MTREX: variants seen among roughly 807,000 people sequenced by gnomAD.
The protein encoded by MTREX is exosome RNA helicase MTR4.
MTREX carries 76 observed loss-of-function variants against 135.4 expected under a neutral mutation model. The ratio of observed to expected loss-of-function variants is 0.56; its 90% CI spans 0.47 to 0.68. The LOEUF is 0.68. Ranked by LOEUF, MTREX falls within the 30% of genes least tolerant of loss-of-function variation. The pLI, the probability that MTREX is intolerant of heterozygous loss-of-function variation, is 0.00. For missense variants in MTREX, 920 were observed against 1,262.1 expected (o/e 0.73, Z 4.11); for synonymous variants, 404 against 401.6 (o/e 1.01, Z -0.07).
At chr5:55,394,016 A>G (rs1750607661) in intron 19 of MTREX, among the ~76,000 whole-genome samples, 1 of 152,098 alleles carries the variant, frequency 6.6e-6, no homozygotes, top group Admixed American at 6.6e-5. Flanking sequence ...CATTTCTTGG[A>G]TGGAGTTTAT....
intron 5 of MTREX, among the ~76,000 whole-genome samples, chr5:55,330,019 A>G (rs140557989): frequency 1.3e-5 from 2 of 151,898 alleles, no homozygotes; most frequent in Admixed American, 6.6e-5. Flanking sequence ...CTTTAAATTT[A>G]TTAATCTTTG....
chr5:55,382,403 G>T (rs570375100), intron 18 of MTREX, among the ~76,000 whole-genome samples: 2 of 151,890 alleles, frequency 1.3e-5, no homozygotes, highest in Non-Finnish European at 2.9e-5. Context: ...TTCCATATAC[G>T]TATTATTAGA....
intron 19 of MTREX, among the ~76,000 whole-genome samples, chr5:55,395,359 T>TCATGC (rs1263291015): frequency 2.0e-5 from 3 of 152,096 alleles, no homozygotes; most frequent in Non-Finnish European, 4.4e-5. Context: ...TGAGCCGAGA[T>TCATGC]CATGCCATTG....
chr5:55,407,044 T>A (rs1046214793), intron 22 of MTREX, among the ~76,000 whole-genome samples: 32 of 152,362 alleles, frequency 2.1e-4, no homozygotes, highest in African/African-American at 7.5e-4. Context: ...GTGATGATCA[T>A]AATTCTCAGT....
chr5:55,349,882 AT>A (rs1481650880), intron 12 of MTREX, among the ~76,000 whole-genome samples: 1 of 152,190 alleles, frequency 6.6e-6, no homozygotes, highest in African/African-American at 2.4e-5. Flanking sequence ...TGGTGTGAAA[AT>A]TACTGCTAGT....
At chr5:55,392,541 TAAAA>T (rs34486683) in intron 19 of MTREX, among the ~76,000 whole-genome samples, 18 of 114,524 alleles carry the variant, frequency 1.6e-4, no homozygotes, top group African/African-American at 2.4e-4. Flanking sequence ...GGGCTCTGTC[TAAAA>T]AAAAAAAAAA....
In MTREX at chr5:55,347,154, C is replaced by G. The variant is rs1422352081; in HGVS notation, c.1240+10C>G. ...TTAGATTTCAACACAGGTACTACAT[C>G]ATTTCAGTATCATTTTAATGTTATG... On this transcript the variant is annotated intron_variant, in intron 11 of 26. Coordinates refer to ENST00000230640, the MANE Select transcript of MTREX (RefSeq NM_015360.5). The G allele has an allele frequency of 6.3e-7, 1 of 1,586,372 alleles. No individual in the cohort carries two copies. The highest frequency in any genetic ancestry group is 8.6e-7 in the Non-Finnish European group (1 of 1,168,282).
rs934387664 is a variant in MTREX at position 55,390,254 on chromosome 5, C to T, written c.2181+2152C>T. 3.9e-4 allele frequency among the ~76,000 whole-genome samples: 59 copies of T among 152,216 alleles called. 1 individual carries two copies. The highest frequency in any genetic ancestry group is 3.5e-3 in the Admixed American group (54 of 15,292). ...AGTAGCTGGGACTACAGGTGTTCGC[C>T]GCCGTGCCCGGCTAATTTTTGTATT... On this transcript the variant is annotated intron_variant, in intron 19 of 26. Transcript: ENST00000230640.
chr5:55,397,222 T>C (rs922874935), intron 19 of MTREX, among the ~76,000 whole-genome samples, 194 bp from the exon 20 acceptor site: 20 of 152,204 alleles, frequency 1.3e-4, no homozygotes, highest in African/African-American at 4.3e-4. Context: ...TGAACTGGTT[T>C]TTATTTTTTA....
At position 55,397,543 on chromosome 5, in the gene MTREX, T is replaced by TG; in HGVS notation, c.2292+17_2292+18insG. ...TCAATACAGGTATGTGTTAATTTCATAAGTTAAGTATAAATTTTATGTAAA... is the reference window on the plus strand; with the variant it reads ...TCAATACAGGTATGTGTTAATTTCATGAAGTTAAGTATAAATTTTATGTAAA... On this transcript the variant is annotated intron_variant, in intron 20 of 26. Coordinates refer to ENST00000230640, the MANE Select transcript of MTREX (RefSeq NM_015360.5). The TG allele has an allele frequency of 6.8e-7, 1 of 1,480,342 alleles. No individual in the cohort carries two copies. Among genetic ancestry groups the TG allele is most frequent in the Non-Finnish European group, 9.3e-7 (1 of 1,070,638 alleles). The allele number at this position is 1,480,342 out of a possible 1,614,324, so 91.7% of individuals were successfully genotyped here.
At chr5:55,346,869 A>G in intron 10 of MTREX, 144 bp from the exon 11 acceptor site, 3 of 576,738 alleles carry the variant, frequency 5.2e-6, no homozygotes, top group Non-Finnish European at 8.6e-6. Context: ...TTTTGTTGTC[A>G]TATCTAAGAA....
At chr5:55,380,697 T>A (rs992714697) in intron 18 of MTREX, among the ~76,000 whole-genome samples, 1 of 152,170 alleles carries the variant, frequency 6.6e-6, no homozygotes, top group African/African-American at 2.4e-5. Flanking sequence ...GAGGATTTTT[T>A]ATGCCGTATT....
In MTREX at chr5:55,400,321, T is replaced by C. The variant is rs1750704654; in HGVS notation, c.2381T>C (p.Ile794Thr). The C allele has an allele frequency of 1.9e-6, 3 of 1,613,700 alleles. No homozygotes were observed. Among genetic ancestry groups the C allele is most frequent in the African/African-American group, 2.7e-5 (2 of 75,012 alleles). Residue 794 changes from isoleucine (I) to threonine (T), a missense_variant, in exon 21 of 27, where the codon ATT becomes ACT. Physicochemically the swap from Ile to Thr is moderately conservative, Grantham distance 89 (BLOSUM62 -1). Around this residue, in one of 6 missense-constraint regions of MTREX, gnomAD observed 467 missense variants for 589.7 expected, o/e 0.79. Coordinates refer to ENST00000230640, the MANE Select transcript of MTREX (RefSeq NM_015360.5). ...GIQDQGLKKV[I>T]QKVEAFEHRM... ...CAAGATCAAGGGCTGAAAAAAGTCATTCAGAAAGTAGAAGCTTTTGAGCAT... is the reference window on the plus strand; with the variant it reads ...CAAGATCAAGGGCTGAAAAAAGTCACTCAGAAAGTAGAAGCTTTTGAGCAT...
rs758116978 is a variant in MTREX, at chr5:55,378,496, T to A, written c.1983+10T>A. ...AGGTCGTTTGGTAAAGGTATGTCAT[T>A]GTTTCTTCATAAAATACTTGAATAA... is the stretch of plus-strand genomic sequence containing the variant. On this transcript the variant is annotated intron_variant, in intron 17 of 26. Transcript: ENST00000230640. The A allele has an allele frequency of 1.9e-6, 3 of 1,592,012 alleles. No homozygotes were observed. The East Asian group carries it at 6.8e-5, about 36-fold the overall frequency.
intron 21 of MTREX, among the ~76,000 whole-genome samples, chr5:55,404,808 T>C (rs191436769): frequency 1.2e-4 from 18 of 149,226 alleles, no homozygotes; most frequent in East Asian, 5.9e-4. Context: ...TTTTTTTTTT[T>C]TCTTTTTTTT....
chr5:55,417,017 C>T (rs768699587), intron 25 of MTREX, among the ~76,000 whole-genome samples: 14 of 152,118 alleles, frequency 9.2e-5, no homozygotes, highest in Non-Finnish European at 1.9e-4. Flanking sequence ...AACTTCTCTG[C>T]AACAGAATAT....
At chr5:55,359,137 T>G (rs562015771) in intron 15 of MTREX, among the ~76,000 whole-genome samples, 27 of 152,332 alleles carry the variant, frequency 1.8e-4, no homozygotes, top group Non-Finnish European at 3.2e-4. Context: ...GCGTTTACAC[T>G]TTACCCTATT....
intron 15 of MTREX, among the ~76,000 whole-genome samples, chr5:55,361,597 G>A (rs1750010919): frequency 6.6e-6 from 1 of 152,090 alleles, no homozygotes; most frequent in South Asian, 2.1e-4. Context: ...TGGGATTATA[G>A]GCACCTGCCG....
chr5:55,310,676 A>T (rs1220108347), intron 1 of MTREX, among the ~76,000 whole-genome samples: 2 of 152,140 alleles, frequency 1.3e-5, no homozygotes, highest in Non-Finnish European at 2.9e-5. Context: ...GCATAGTGTG[A>T]TTCTCATCTG....
Sources: gnomAD v4.1 joint callset for allele counts (sites outside exome capture counted in the v4.1 genomes callset) on GRCh38, gnomAD v4.1.1 for gene constraint, gnomAD v4.1.1 regional missense constraint, MANE v1.5 for transcripts, NCBI Gene and HGNC (gene_info 2026-07-23, HGNC 2026-07-21) for gene names.